The following RNF32 variants were observed in gnomAD, a reference collection of about 807,000 sequenced individuals.
RNF32 encodes ring finger protein 32.
In RNF32, 36 loss-of-function variants were observed where a neutral mutation model predicts 41.0. The ratio of observed to expected loss-of-function variants is 0.88; its 90% confidence interval spans 0.67 to 1.16. The LOEUF is 1.16. Among genes scored for constraint, RNF32 ranks in the 50% most tolerant of loss-of-function variants. The pLI, the probability that RNF32 is intolerant of heterozygous loss-of-function variation, is 0.00. For missense variants in RNF32, 413 were observed against 436.7 expected (o/e 0.95, Z 0.48); for synonymous variants, 154 against 160.9 (o/e 0.96, Z 0.32).
At chr7:156,665,671 CT>C in intron 7 of RNF32, among the ~76,000 whole-genome samples, 1 of 146,842 alleles carries the variant, frequency 6.8e-6, no homozygotes, top group Admixed American at 6.6e-5. Context: ...GTCAGCTCCC[CT>C]GACTCTCTGT....
Position 156,658,562 on chromosome 7 carries a change from G to GA in RNF32, c.683dup (p.Phe229ValfsTer17). 2 of 1,603,232 alleles carry GA rather than the reference G, an allele frequency of 1.2e-6. No individual in the cohort carries two copies. Among genetic ancestry groups the GA allele is most frequent in the Non-Finnish European group, 1.7e-6 (2 of 1,171,036 alleles). On this transcript the variant is annotated frameshift_variant, in exon 7 of 9. Coordinates refer to ENST00000317955, the MANE Select transcript of RNF32 (RefSeq NM_030936.4). LOFTEE classifies it high-confidence loss of function. ...TGCCAAGTTAAGAAAAAAATTCTTT[G>GA]AAAAAAAGGTAGGTAAAGATCATTA...
At chr7:156,648,947 A>G (rs779825820) in intron 3 of RNF32, among the ~76,000 whole-genome samples, 10 of 152,126 alleles carry the variant, frequency 6.6e-5, no homozygotes, top group Non-Finnish European at 1.0e-4. Context: ...AGATTTTCCT[A>G]CATTTTCTTT....
rs761763168 is a variant in RNF32 at position 156,658,540 on chromosome 7, C to T, written c.654C>T (p.Ala218=). ...NLRKTVPPTD[A]KLRKKFFEKK... ...GGAAAACAGTACCTCCCACAGATGCCAAGTTAAGAAAAAAATTCTTTGAAA... is the reference window on the plus strand; with the variant it reads ...GGAAAACAGTACCTCCCACAGATGCTAAGTTAAGAAAAAAATTCTTTGAAA... The change falls in exon 7 of 9, where the codon GCC becomes GCT. Residue 218 remains alanine (A), a synonymous_variant. Transcript: ENST00000317955. 1.2e-6 allele frequency: 2 copies of T among 1,612,400 alleles called. No individual in the cohort carries two copies. Among genetic ancestry groups the T allele is most frequent in the Non-Finnish European group, 8.5e-7 (1 of 1,178,616 alleles).
At chr7:156,665,967 A>G (rs1000620344) in intron 7 of RNF32, among the ~76,000 whole-genome samples, 15 of 152,248 alleles carry the variant, frequency 9.9e-5, no homozygotes, top group African/African-American at 3.4e-4. Flanking sequence ...GGCCTTACAC[A>G]TATTTCACTC....
intron 3 of RNF32, among the ~76,000 whole-genome samples, chr7:156,653,620 G>T (rs1330900108): frequency 6.6e-6 from 1 of 152,094 alleles, no homozygotes; most frequent in Non-Finnish European, 1.5e-5. Context: ...TTTATGCATT[G>T]ACCCGTCTTT....
At chr7:156,654,963 T>A in intron 4 of RNF32, 1 of 342,276 alleles carries the variant, frequency 2.9e-6, no homozygotes, top group Admixed American at 4.3e-5. Flanking sequence ...AAGGAATGTT[T>A]CTGTTCAACA....
intron 4 of RNF32, among the ~76,000 whole-genome samples, chr7:156,655,233 G>A (rs916061295): frequency 4.9e-5 from 7 of 142,020 alleles, no homozygotes; most frequent in South Asian, 2.2e-4. Flanking sequence ...TAATATACAC[G>A]CGCGCGCACA....
At chr7:156,663,888 G>A (rs1410885739) in intron 7 of RNF32, among the ~76,000 whole-genome samples, 1 of 152,218 alleles carries the variant, frequency 6.6e-6, no homozygotes, top group Non-Finnish European at 1.5e-5. Context: ...ACTGCTTTAT[G>A]CGTTACTGCC....
At chr7:156,648,436 T>A (rs908198898) in intron 3 of RNF32, among the ~76,000 whole-genome samples, 2 of 152,186 alleles carry the variant, frequency 1.3e-5, no homozygotes, top group South Asian at 2.1e-4. Flanking sequence ...GAAGATCTTC[T>A]GTTGTACCTG....
chr7:156,671,799 A>G (rs192637190), intron 7 of RNF32, among the ~76,000 whole-genome samples: 1 of 151,436 alleles, frequency 6.6e-6, no homozygotes, highest in Non-Finnish European at 1.5e-5. Flanking sequence ...AGTCGTGTAG[A>G]GTATGTTCCC....
chr7:156,672,369 A>G (rs1802734286), intron 7 of RNF32, among the ~76,000 whole-genome samples: 1 of 152,148 alleles, frequency 6.6e-6, no homozygotes, highest in Middle Eastern at 3.2e-3. Flanking sequence ...CCCCAGGACT[A>G]ATAAAGGAGA....
At chr7:156,649,453 G>A (rs915555283) in intron 3 of RNF32, among the ~76,000 whole-genome samples, 1 of 151,722 alleles carries the variant, frequency 6.6e-6, no homozygotes, top group African/African-American at 2.4e-5. Flanking sequence ...TGGTGAATAC[G>A]AGTAGTAATA....
At chr7:156,666,586 G>C (rs992888107) in intron 7 of RNF32, among the ~76,000 whole-genome samples, 1 of 152,234 alleles carries the variant, frequency 6.6e-6, no homozygotes. Flanking sequence ...GTAAGTGTCA[G>C]AGAATAAAAA....
chr7:156,659,143 G>C, intron 7 of RNF32: 1 of 1,264,798 alleles, frequency 7.9e-7, no homozygotes, highest in Non-Finnish European at 9.9e-7. Context: ...GAAAAGGACA[G>C]TCCTACCCCA....
intron 3 of RNF32, among the ~76,000 whole-genome samples, chr7:156,650,204 G>A (rs543754013): frequency 3.3e-5 from 5 of 152,316 alleles, no homozygotes; most frequent in South Asian, 2.1e-4. Context: ...CGGTGCTGCC[G>A]TCGGGAGGTG....
At chr7:156,648,338 C>T (rs1481229783) in intron 3 of RNF32, among the ~76,000 whole-genome samples, 1 of 152,118 alleles carries the variant, frequency 6.6e-6, no homozygotes, top group East Asian at 1.9e-4. Context: ...TTCCTCTGAA[C>T]TTCTGCTAAC....
intron 7 of RNF32, chr7:156,658,871 C>G: frequency 5.2e-6 from 8 of 1,546,682 alleles, no homozygotes; most frequent in Non-Finnish European, 6.1e-6. Flanking sequence ...AGACACAAGA[C>G]TGGAAACCAG....
At chr7:156,640,439 C>G (rs550701024), upstream of RNF32, 1 of 381,914 alleles carries the variant, frequency 2.6e-6, no homozygotes, top group East Asian at 8.7e-5. Context: ...GAGGCCTGGG[C>G]GCCTGCACGC....
rs1178234310 is a variant in RNF32 at position 156,657,716 on chromosome 7, AG to A, written c.450+145del. ...TCTATAGTTAAAGAAACATGACTGT[AG>A]GCTGCAGTACAATTCATCCTATTTT... is the stretch of plus-strand genomic sequence containing the variant. On this transcript the variant is annotated intron_variant, in intron 5 of 8. Coordinates refer to ENST00000317955, the MANE Select transcript of RNF32 (RefSeq NM_030936.4). 3.8e-6 allele frequency: 3 copies of A among 793,784 alleles called. No homozygotes were observed. The African/African-American group carries it at 5.1e-5, about 14-fold the overall frequency. 49.2% of individuals were successfully genotyped at this position (793,784 alleles called of 1,614,324 possible). A position where few individuals can be genotyped will look rare whatever the true frequency, so the allele number is the denominator to read the frequency against.
Sources: gnomAD v4.1 joint callset for allele counts (sites outside exome capture counted in the v4.1 genomes callset) on GRCh38, gnomAD v4.1.1 for gene constraint, MANE v1.5 for transcripts, NCBI Gene and HGNC (gene_info 2026-07-23, HGNC 2026-07-21) for gene names.